The following NME8 variants were observed in gnomAD, a reference collection of about 807,000 sequenced individuals.
NME8 encodes NME/NM23 family member 8, also known as protein NME8.
NME8 carries 72 observed loss-of-function variants against 82.3 expected under a neutral mutation model. The observed-to-expected ratio is 0.87, with a 90% confidence interval of 0.72 to 1.06. NME8 has a LOEUF of 1.06. Ranked by LOEUF, NME8 falls within the 50% of genes least tolerant of loss-of-function variation. The probability of loss-of-function intolerance (pLI) is 0.00; values close to 1 mark genes in which losing one functional copy is unlikely to be tolerated. For synonymous variants in NME8, 267 were observed against 228.5 expected (o/e 1.17, Z -1.52); for missense variants, 712 against 685.4 (o/e 1.04, Z -0.43).
At chr7:37,853,094 A>T (rs943921340) in intron 5 of NME8, among the ~76,000 whole-genome samples, 1 of 152,136 alleles carries the variant, frequency 6.6e-6, no homozygotes, top group African/African-American at 2.4e-5. Context: ...GAGCATCTTT[A>T]TATATACTTA....
At chr7:37,894,687 AT>A in intron 16 of NME8, 77 bp downstream of exon 16, 1 of 1,300,528 alleles carries the variant, frequency 7.7e-7, no homozygotes, top group African/African-American at 1.5e-5. Flanking sequence ...AAATGCAAAA[AT>A]TAATTAAAAC....
intron 16 of NME8, among the ~76,000 whole-genome samples, chr7:37,895,521 G>A (rs934750394): frequency 1.3e-5 from 2 of 152,096 alleles, no homozygotes; most frequent in African/African-American, 4.8e-5. Context: ...TTTAACTGCT[G>A]CTTTCCAAAA....
chr7:37,882,133 C>T (rs777246459), intron 12 of NME8, among the ~76,000 whole-genome samples: 1 of 152,072 alleles, frequency 6.6e-6, no homozygotes, highest in Non-Finnish European at 1.5e-5. Flanking sequence ...GATCTTTACA[C>T]ATTTATTTAA....
chr7:37,862,272 A>T (rs920933948), intron 7 of NME8, 128 bp downstream of exon 7: 1 of 713,222 alleles, frequency 1.4e-6, no homozygotes, highest in Non-Finnish European at 2.5e-6. Flanking sequence ...ATTTTAAAAA[A>T]GTACATTACC....
At chr7:37,870,811 G>T (rs531960092) in intron 11 of NME8, among the ~76,000 whole-genome samples, 1 of 152,026 alleles carries the variant, frequency 6.6e-6, no homozygotes, top group African/African-American at 2.4e-5. Flanking sequence ...GTTGATGCCC[G>T]TTGGTTTTTC....
chr7:37,885,406 G>A (rs1217053647), intron 14 of NME8, among the ~76,000 whole-genome samples, 154 bp downstream of exon 14: 1 of 152,156 alleles, frequency 6.6e-6, no homozygotes, highest in African/African-American at 2.4e-5. Flanking sequence ...TATGACTGGA[G>A]GTCCAACCCA....
intron 5 of NME8, among the ~76,000 whole-genome samples, chr7:37,856,339 A>C (rs1307021724): frequency 6.6e-6 from 1 of 152,220 alleles, no homozygotes; most frequent in Non-Finnish European, 1.5e-5. Context: ...ATAAAGGAAG[A>C]GACATATGAT....
chr7:37,870,544 G>A (rs1583633751), intron 11 of NME8, among the ~76,000 whole-genome samples: 1 of 146,654 alleles, frequency 6.8e-6, no homozygotes, highest in African/African-American at 2.5e-5. Context: ...AGTCAAGATC[G>A]AGCCACTGCA....
Position 37,899,786 on chromosome 7 carries a change from A to G in NME8, c.*16-458A>G, listed in dbSNP as rs529767437. 5.3e-5 allele frequency among the ~76,000 whole-genome samples: 8 copies of G among 152,272 alleles called. No individual in the cohort carries two copies. In the South Asian group the frequency reaches 1.5e-3, roughly 28 times the overall value. ...ATGTAACAATACCAACAAACTCCCT[A>G]AACTCTTTCTTGGGCATCTCTGACC... On this transcript the variant is annotated intron_variant, in intron 17 of 17. Coordinates refer to ENST00000199447, the MANE Select transcript of NME8 (RefSeq NM_016616.5).
At chr7:37,897,663 C>G (rs1438078686) in intron 17 of NME8, among the ~76,000 whole-genome samples, 2 of 151,984 alleles carry the variant, frequency 1.3e-5, no homozygotes, top group Non-Finnish European at 2.9e-5. Flanking sequence ...GATCCTTCCC[C>G]TCACCCCCCA....
At chr7:37,858,276 A>G (rs1160447474) in intron 6 of NME8, among the ~76,000 whole-genome samples, 1 of 152,204 alleles carries the variant, frequency 6.6e-6, no homozygotes, top group Non-Finnish European at 1.5e-5. Flanking sequence ...AATACTCATT[A>G]AAAACACATC....
At position 37,863,153 on chromosome 7, in the gene NME8, G is replaced by A. The variant is rs183572470; in HGVS notation, c.388-243G>A. ...TTTAAAAAAAATTTAAAAAATTAAGGTTTGCTACCCTTTTCATACTGCACA... is the reference window on the plus strand; with the variant it reads ...TTTAAAAAAAATTTAAAAAATTAAGATTTGCTACCCTTTTCATACTGCACA... On this transcript the variant is annotated intron_variant, in intron 7 of 17. Coordinates refer to ENST00000199447, the MANE Select transcript of NME8 (RefSeq NM_016616.5). Among the ~76,000 whole-genome samples the A allele has an allele frequency of 2.5e-3, 375 of 152,040 alleles. 1 individual carries two copies. The highest frequency in any genetic ancestry group is 6.8e-3 in the Middle Eastern group (2 of 294).
intron 17 of NME8, among the ~76,000 whole-genome samples, chr7:37,897,858 C>T (rs185656062): frequency 1.1e-3 from 165 of 152,234 alleles, no homozygotes; most frequent in Non-Finnish European, 1.7e-3. Context: ...TTGATGGCTG[C>T]GTAGTATTCC....
chr7:37,885,609 A>G (rs984640210), intron 14 of NME8, among the ~76,000 whole-genome samples: 1 of 152,168 alleles, frequency 6.6e-6, no homozygotes, highest in Admixed American at 6.5e-5. Context: ...ACTGATCATG[A>G]GTTTTAAGAC....
intron 12 of NME8, among the ~76,000 whole-genome samples, chr7:37,883,898 T>C (rs1353256755): frequency 1.3e-5 from 2 of 152,124 alleles, no homozygotes; most frequent in African/African-American, 4.8e-5. Context: ...TCATGGTTAT[T>C]GAACATAAAA....
At position 37,897,112 on chromosome 7, in the gene NME8, G is replaced by T; in HGVS notation, c.*15+5G>T. On this transcript the variant is annotated splice_donor_5th_base_variant and intron_variant, in intron 17 of 17. Coordinates refer to ENST00000199447, the MANE Select transcript of NME8 (RefSeq NM_016616.5). ...AACTAAAGTATATACTGTGAAGTAC[G>T]TACCTGTTTAATTATTATTTTATTT... 6.8e-7 allele frequency: 1 copy of T among 1,473,036 alleles called. No homozygotes were observed. The highest frequency in any genetic ancestry group is 9.5e-7 in the Non-Finnish European group (1 of 1,052,452). 91.2% of individuals were successfully genotyped at this position (1,473,036 alleles called of 1,614,324 possible). A position where few individuals can be genotyped will look rare whatever the true frequency, so the allele number is the denominator to read the frequency against.
chr7:37,850,013 A>G (rs759258120), intron 2 of NME8, among the ~76,000 whole-genome samples: 5 of 152,200 alleles, frequency 3.3e-5, no homozygotes, highest in Non-Finnish European at 7.3e-5. Flanking sequence ...CAAAGGATAA[A>G]TGCTTGAGGT....
chr7:37,864,929 T>A (rs977734130), intron 9 of NME8, among the ~76,000 whole-genome samples: 1 of 152,148 alleles, frequency 6.6e-6, no homozygotes, highest in Non-Finnish European at 1.5e-5. Context: ...CAGGAAAGAC[T>A]AGCCCCCATA....
chr7:37,870,826 A>G lies in NME8; in HGVS notation c.818+2928A>G, dbSNP rs116146870. 5.3e-3 allele frequency among the ~76,000 whole-genome samples: 800 copies of G among 152,200 alleles called. 11 individuals carry two copies. Among genetic ancestry groups the G allele is most frequent in the African/African-American group, 0.019 (774 of 41,524 alleles). ...GTTGATGCCCGTTGGTTTTTCAGTA[A>G]AACTTGAGAGGACAGAGGGGAAGCT... is the stretch of plus-strand genomic sequence containing the variant. On this transcript the variant is annotated intron_variant, in intron 11 of 17. Coordinates refer to ENST00000199447, the MANE Select transcript of NME8 (RefSeq NM_016616.5).
Sources: allele counts gnomAD v4.1 joint callset (sites outside exome capture counted in the v4.1 genomes callset), GRCh38; gene constraint gnomAD v4.1.1; transcripts MANE v1.5; gene names NCBI Gene and HGNC (gene_info 2026-07-23, HGNC 2026-07-21).